GRM5: variants seen among roughly 807,000 people sequenced by gnomAD.
GRM5 encodes glutamate metabotropic receptor 5, also known as metabotropic glutamate receptor 5.
A neutral mutation model predicts 83.1 loss-of-function variants in GRM5; 19 were observed. The observed-to-expected ratio is 0.23, with a 90% CI of 0.16 to 0.34. The LOEUF (loss-of-function observed/expected upper bound fraction) is 0.34, where lower values mean the gene tolerates loss of function less well. Among genes scored for constraint, GRM5 ranks in the 10% least tolerant of loss-of-function variants. The pLI is 1.00. For synonymous variants in GRM5, 675 were observed against 633.6 expected (o/e 1.07, Z -0.98); for missense variants, 1,160 against 1,588.3 (o/e 0.73, Z 4.58).
At position 88,581,975 on chromosome 11, in the gene GRM5, C is replaced by T. The variant is rs3862363; in HGVS notation, c.1690+8626G>A. ...TTTCCACCCAGAAGCTACCTCTGAA[C>T]TTCCAAGACCTGGTTAATTTCCTCT... On this transcript the variant is annotated intron_variant, in intron 7 of 9. Transcript: ENST00000305447. Among the ~76,000 whole-genome samples, 1,111 of 152,288 alleles carry T rather than the reference C, an allele frequency of 7.3e-3. 11 individuals carry two copies. The highest frequency in any genetic ancestry group is 0.026 in the African/African-American group (1,073 of 41,544).
chr11:88,699,120 A>G (rs967214086), intron 3 of GRM5, among the ~76,000 whole-genome samples: 3 of 152,094 alleles, frequency 2.0e-5, no homozygotes, highest in African/African-American at 2.4e-5. Flanking sequence ...AAAAAAACCG[A>G]GTTATTCTCT....
In GRM5 at chr11:89,047,608, T is replaced by C. The variant is rs138949490; in HGVS notation, c.265A>G (p.Ile89Val). 2 of 1,614,024 alleles carry C rather than the reference T, an allele frequency of 1.2e-6. No homozygotes were observed. Among genetic ancestry groups the C allele is most frequent in the Admixed American group, 1.7e-5 (1 of 59,988 alleles). Residue 89 changes from isoleucine (I) to valine (V), a missense_variant, in exon 2 of 10, where the codon ATC becomes GTC. By Grantham distance (29) the Ile-to-Val change is conservative. Transcript: ENST00000305447. This position sits in a 1 kb window ranked among gnomAD's most constrained non-coding sequence, Gnocchi z 5.1. ...INSDPTLLPNITLGCEIRDSC... is the reference protein window; with the variant it reads ...INSDPTLLPNVTLGCEIRDSC... ...TCCCTTATCTCACAGCCCAGTGTGA[T>C]GTTGGGCAAGAGTGTGGGGTCTGAA...
At chr11:88,769,474 A>G (rs1055514700) in intron 3 of GRM5, among the ~76,000 whole-genome samples, 12 of 152,020 alleles carry the variant, frequency 7.9e-5, no homozygotes, top group Admixed American at 7.2e-4. Context: ...TTATTTTCCA[A>G]AGAAAGTAAC....
rs140254618 is a variant in GRM5 at position 88,566,937 on chromosome 11, C to G, written c.2630+116G>C. 9.0e-6 allele frequency: 6 copies of G among 669,958 alleles called. No individual in the cohort carries two copies. In the South Asian group the frequency reaches 1.0e-4, roughly 11 times the overall value. The allele number at this position is 669,958 out of a possible 1,614,324, so 41.5% of individuals were successfully genotyped here. A position where few individuals can be genotyped will look rare whatever the true frequency, so the allele number is the denominator to read the frequency against. On this transcript the variant is annotated intron_variant, in intron 8 of 9. Coordinates refer to ENST00000305447, the MANE Select transcript of GRM5 (RefSeq NM_001143831.3). ...ATGAGAAGGTCCATGCCGTAAGTCA[C>G]CCTGCCTCACATGGTTTCATTTACC...
chr11:88,852,668 C>A (rs1944406953), intron 2 of GRM5, among the ~76,000 whole-genome samples: 1 of 152,014 alleles, frequency 6.6e-6, no homozygotes, highest in South Asian at 2.1e-4. Flanking sequence ...TCAAAAACTG[C>A]TCTAAGAAAG....
rs1941440486 is a variant in GRM5, at chr11:89,038,202, A to T, written c.661+9010T>A. ...GTGAAAATCAATGTGTAAATGTAAC[A>T]TTGGGCTGAAATCACATTACAAAGT... is the stretch of plus-strand genomic sequence containing the variant. On this transcript the variant is annotated intron_variant, in intron 2 of 9. Coordinates refer to ENST00000305447, the MANE Select transcript of GRM5 (RefSeq NM_001143831.3). 2.0e-5 allele frequency among the ~76,000 whole-genome samples: 3 copies of T among 151,876 alleles called. No individual in the cohort carries two copies. In the South Asian group the frequency reaches 6.2e-4, roughly 31 times the overall value.
intron 8 of GRM5, among the ~76,000 whole-genome samples, chr11:88,558,524 AG>A (rs1052089509): frequency 2.6e-5 from 4 of 152,052 alleles, no homozygotes; most frequent in Middle Eastern, 3.2e-3. Context: ...TTTTGTTCTA[AG>A]GGGAGAGAGT....
intron 2 of GRM5, among the ~76,000 whole-genome samples, chr11:88,964,361 G>A (rs1214403772): frequency 3.2e-5 from 4 of 123,098 alleles, no homozygotes; most frequent in African/African-American, 8.1e-5. Flanking sequence ...GAATAGGCAG[G>A]GCACAGAGGG....
intron 7 of GRM5, among the ~76,000 whole-genome samples, chr11:88,568,560 A>G (rs1378660816): frequency 1.3e-5 from 2 of 152,198 alleles, no homozygotes; most frequent in Non-Finnish European, 2.9e-5. Context: ...ATCCTAGATC[A>G]GTAGGAAGTT....
At chr11:88,521,942 G>A (rs1432954094) in intron 9 of GRM5, among the ~76,000 whole-genome samples, 2 of 152,182 alleles carry the variant, frequency 1.3e-5, no homozygotes, top group Admixed American at 1.3e-4. Context: ...TTCCCCACCA[G>A]GCAACTTGGC....
chr11:89,008,629 C>T (rs544823951), intron 2 of GRM5, among the ~76,000 whole-genome samples: 19 of 152,052 alleles, frequency 1.2e-4, no homozygotes, highest in Admixed American at 3.3e-4. Context: ...CTGGTTTCAT[C>T]GTAAGGTTAA....
chr11:88,653,022 G>A lies in GRM5; in HGVS notation c.1147+146C>T, dbSNP rs1939673170. ...GTTTTTCCTAATGAGACTAAAACCT[G>A]TTTATCACCATAAGTGGCAATATCC... On this transcript the variant is annotated intron_variant, in intron 4 of 9. Coordinates refer to ENST00000305447, the MANE Select transcript of GRM5 (RefSeq NM_001143831.3). 4 of 605,292 alleles carry A rather than the reference G, an allele frequency of 6.6e-6. No homozygotes were observed. The South Asian group carries it at 8.3e-5, about 13-fold the overall frequency. 37.5% of individuals were successfully genotyped at this position (605,292 alleles called of 1,614,324 possible).
chr11:88,681,423 C>A (rs923881478), intron 3 of GRM5, among the ~76,000 whole-genome samples: 8 of 151,772 alleles, frequency 5.3e-5, no homozygotes, highest in African/African-American at 1.9e-4. Context: ...TGAACCCTTT[C>A]TTTTTGAAAT....
intron 3 of GRM5, among the ~76,000 whole-genome samples, chr11:88,692,562 T>G (rs1940806447): frequency 6.6e-6 from 1 of 152,178 alleles, no homozygotes; most frequent in South Asian, 2.1e-4. Context: ...CTGTAAAGCT[T>G]AATTAGTGCT....
intron 8 of GRM5, among the ~76,000 whole-genome samples, chr11:88,545,946 C>T (rs1478747520): frequency 1.3e-5 from 2 of 152,018 alleles, no homozygotes; most frequent in African/African-American, 4.8e-5. Context: ...TCCCCAAATA[C>T]CAGTCCACAT....
At position 88,956,547 on chromosome 11, in the gene GRM5, C is replaced by T. The variant is rs190825617; in HGVS notation, c.661+90665G>A. 3.0e-3 allele frequency among the ~76,000 whole-genome samples: 454 copies of T among 152,316 alleles called. 2 individuals are homozygous for T. Among genetic ancestry groups the T allele is most frequent in the African/African-American group, 0.01 (434 of 41,574 alleles). ...ACTGGGCGGGCGCGGTGGCTCACGC[C>T]TGTAAACCCAGCACTTTCGGCGGCC... On this transcript the variant is annotated intron_variant, in intron 2 of 9. Transcript: ENST00000305447.
intron 3 of GRM5, among the ~76,000 whole-genome samples, chr11:88,740,921 G>C (rs1005934761): frequency 8.5e-5 from 13 of 152,048 alleles, no homozygotes; most frequent in Non-Finnish European, 1.6e-4. Context: ...AGCAATCTGA[G>C]ATATACCAGA....
intron 4 of GRM5, among the ~76,000 whole-genome samples, chr11:88,635,206 T>A (rs1939084466): frequency 6.6e-6 from 1 of 152,180 alleles, no homozygotes; most frequent in African/African-American, 2.4e-5. Context: ...GATTGCTGTA[T>A]CATAAGGTAG....
chr11:88,720,796 C>CTGTGTGTGTGTGTGTGTGTGTGTGTG (rs748475378), intron 3 of GRM5, among the ~76,000 whole-genome samples: 5 of 141,670 alleles, frequency 3.5e-5, no homozygotes, highest in African/African-American at 1.3e-4. Context: ...AATCATTACT[C>CTGTGTGTGTGTGTGTGTGTGTGTGTG]TGTGTGTGTG....
Sources: gnomAD v4.1 joint callset for allele counts (sites outside exome capture counted in the v4.1 genomes callset) on GRCh38, gnomAD v4.1.1 for gene constraint, Gnocchi (gnomAD v3.1) non-coding constraint, MANE v1.5 for transcripts, NCBI Gene and HGNC (gene_info 2026-07-23, HGNC 2026-07-21) for gene names.